Variants in GRHPR observed in about 807,000 individuals in gnomAD.
The protein encoded by GRHPR is glyoxylate and hydroxypyruvate reductase, also known as glyoxylate reductase/hydroxypyruvate reductase.
A neutral mutation model predicts 36.8 loss-of-function variants in GRHPR; 35 were observed. The ratio of observed to expected loss-of-function variants is 0.95; its 90% CI spans 0.73 to 1.26. The LOEUF is 1.26. GRHPR is among the 50% of genes most tolerant of loss of function. GRHPR has a pLI of 0.00. For missense variants in GRHPR, 380 were observed against 435.0 expected, an observed-to-expected ratio of 0.87 and a Z score of 1.12; for synonymous variants, 179 against 181.0, an observed-to-expected ratio of 0.99 and a Z score of 0.09.
At chr9:37,424,088 T>C (rs1348685626) in intron 1 of GRHPR, among the ~76,000 whole-genome samples, 1 of 152,234 alleles carries the variant, frequency 6.6e-6, no homozygotes, top group Non-Finnish European at 1.5e-5. Context: ...TATGAGATTT[T>C]CAAATTTTGT....
At chr9:37,434,327 C>T (rs1409987556) in intron 8 of GRHPR, 23 of 471,370 alleles carry the variant, frequency 4.9e-5, no homozygotes, top group Non-Finnish European at 8.3e-5. Context: ...CTGGAACTGC[C>T]TGTGCCTTGG....
chr9:37,425,509 C>A (rs971633355), intron 2 of GRHPR, among the ~76,000 whole-genome samples: 2 of 152,240 alleles, frequency 1.3e-5, no homozygotes, highest in Non-Finnish European at 2.9e-5. Flanking sequence ...CACATCCTGG[C>A]CTTGGCCTGG....
At chr9:37,438,975 C>T (rs1171117899), downstream of GRHPR, 8 of 152,334 alleles carry the variant, frequency 5.3e-5, no homozygotes, top group South Asian at 4.1e-4. Flanking sequence ...AGAGAAAACA[C>T]GCTCATTTTT....
At chr9:37,430,324 T>A in intron 6 of GRHPR, 187 bp from the exon 7 acceptor site, 10 of 668,286 alleles carry the variant, frequency 1.5e-5, no homozygotes, top group Non-Finnish European at 2.7e-5. Context: ...AAAGCCAGAG[T>A]GGTCCAGATC....
chr9:37,430,144 T>C (rs1232931159), intron 6 of GRHPR: 5 of 529,310 alleles, frequency 9.4e-6, no homozygotes, highest in East Asian at 3.5e-5. Flanking sequence ...GGCTGGGCAC[T>C]TTCACTGTCT....
At chr9:37,430,393 C>G (rs1823302123) in intron 6 of GRHPR, 118 bp from the exon 7 acceptor site, 1 of 867,392 alleles carries the variant, frequency 1.2e-6, no homozygotes, top group Non-Finnish European at 2.0e-6. Context: ...GAGACTCGGC[C>G]TTCAGGAAGC....
intron 8 of GRHPR, chr9:37,433,976 A>G (rs1823507319): frequency 2.6e-6 from 1 of 382,488 alleles, no homozygotes; most frequent in East Asian, 3.7e-5. Context: ...CCAGCCTGCA[A>G]GGAGCACTGG....
intron 2 of GRHPR, among the ~76,000 whole-genome samples, chr9:37,425,706 G>A (rs557595935): frequency 5.3e-5 from 8 of 152,336 alleles, no homozygotes; most frequent in African/African-American, 1.9e-4. Context: ...AGGTGAACCC[G>A]GCTCTGCCTG....
Position 37,428,569 on chromosome 9 carries a change from A to G in GRHPR, c.490A>G (p.Ile164Val). 6.2e-7 allele frequency: 1 copy of G among 1,602,154 alleles called. No homozygotes were observed. The highest frequency in any genetic ancestry group is 1.7e-5 in the Admixed American group (1 of 60,008). The part of the protein sequence containing the change: ...STVGIIGLGR[I>V]GQAIARRLKP... Reference sequence around the variant, plus strand: ...TGTCGGCATCATCGGGCTGGGGCGCATAGGTGAGGCTCCCACCGGCCCGCT... The same window carrying G: ...TGTCGGCATCATCGGGCTGGGGCGCGTAGGTGAGGCTCCCACCGGCCCGCT... Residue 164 changes from isoleucine (I) to valine (V), a missense_variant, in exon 5 of 9, where the codon ATA becomes GTA. Ile to Val is a conservative substitution (Grantham distance 29). Transcript: ENST00000318158.
intron 7 of GRHPR, 66 bp downstream of exon 7, chr9:37,430,712 A>T (rs775032762): frequency 6.7e-7 from 1 of 1,488,322 alleles, no homozygotes; most frequent in East Asian, 2.3e-5. Context: ...CCATCTGGAG[A>T]TTTTCTTCCC....
Position 37,436,697 on chromosome 9 carries a change from C to A in GRHPR, c.902C>A (p.Thr301Asn), listed in dbSNP as rs1307693180. 3 of 1,614,056 alleles carry A rather than the reference C, an allele frequency of 1.9e-6. No homozygotes were observed. The highest frequency in any genetic ancestry group is 2.5e-6 in the Non-Finnish European group (3 of 1,179,908). ...LPHIGSATHR[T>N]RNTMSLLAAN... ...CACATTGGCAGTGCCACCCACAGAA[C>A]CCGCAACACCATGTCCTTGTTGGCA... The change falls in exon 9 of 9, where the codon ACC becomes AAC. Residue 301 changes from threonine (T) to asparagine (N), a missense_variant. Transcript: ENST00000318158.
chr9:37,425,197 G>A (rs1217151070), intron 2 of GRHPR, among the ~76,000 whole-genome samples: 1 of 152,236 alleles, frequency 6.6e-6, no homozygotes, highest in Non-Finnish European at 1.5e-5. Context: ...AAAGACCGCG[G>A]TGTGGAGACT....
At position 37,436,875 on chromosome 9, in the gene GRHPR, G is replaced by A; in HGVS notation, c.*93G>A. On this transcript the variant is annotated 3_prime_UTR_variant, in exon 9 of 9. Transcript: ENST00000318158. ...GATTTGGATCCACAGGCAGAGCCAAGGGAAGGTGTGATTCTCTGAGGAAAG... is the reference window on the plus strand; with the variant it reads ...GATTTGGATCCACAGGCAGAGCCAAAGGAAGGTGTGATTCTCTGAGGAAAG... 2 of 1,360,118 alleles carry A rather than the reference G, an allele frequency of 1.5e-6. No homozygotes were observed. The highest frequency in any genetic ancestry group is 2.1e-6 in the Non-Finnish European group (2 of 950,242). 84.3% of individuals were successfully genotyped at this position (1,360,118 alleles called of 1,614,324 possible).
chr9:37,434,460 G>T, intron 8 of GRHPR: 1 of 599,076 alleles, frequency 1.7e-6, no homozygotes. Flanking sequence ...AGGAATGCAT[G>T]CAGAAATACC....
chr9:37,432,259 A>G, intron 8 of GRHPR, 121 bp downstream of exon 8: 1 of 903,650 alleles, frequency 1.1e-6, no homozygotes, highest in Non-Finnish European at 1.8e-6. Context: ...AAAGGGACAC[A>G]CCAGGGATCG....
chr9:37,424,953 C>A lies in GRHPR; in HGVS notation c.192C>A (p.Asp64Glu). The A allele has an allele frequency of 6.2e-7, 1 of 1,612,562 alleles. No individual in the cohort carries two copies. The highest frequency in any genetic ancestry group is 8.5e-7 in the Non-Finnish European group (1 of 1,179,850). The change falls in exon 2 of 9, where the codon GAC (aspartate) becomes GAA (glutamate). Residue 64 changes from aspartate (D) to glutamate (E), a missense_variant. By Grantham distance (45) the Asp-to-Glu change is conservative. Coordinates refer to ENST00000318158, the MANE Select transcript of GRHPR (RefSeq NM_012203.2). ...TCTGCCTCCTCTCCGACCACGTGGA[C>A]AAGAGGATCCTGGATGCTGCAGGTG... The part of the protein sequence containing the change: ...GLLCLLSDHV[D>E]KRILDAAGAN...
intron 8 of GRHPR, among the ~76,000 whole-genome samples, chr9:37,435,381 T>G (rs1431594244): frequency 6.6e-6 from 1 of 152,210 alleles, no homozygotes; most frequent in Non-Finnish European, 1.5e-5. Flanking sequence ...GGCATTCAGC[T>G]CCGGGTTTTC....
chr9:37,435,653 G>GGCTAAGACA (rs1823604862), intron 8 of GRHPR, among the ~76,000 whole-genome samples: 1 of 152,058 alleles, frequency 6.6e-6, no homozygotes, highest in African/African-American at 2.4e-5. Context: ...CCCTTTGGGA[G>GGCTAAGACA]GCTAAGACAG....
chr9:37,426,250 A>G (rs989139213), intron 3 of GRHPR: 1 of 602,782 alleles, frequency 1.7e-6, no homozygotes, highest in African/African-American at 1.9e-5. Context: ...AATACCTTGA[A>G]GTAGCAAAGG....
Sources: allele counts gnomAD v4.1 joint callset (sites outside exome capture counted in the v4.1 genomes callset), GRCh38; gene constraint gnomAD v4.1.1; transcripts MANE v1.5; gene names NCBI Gene and HGNC (gene_info 2026-07-23, HGNC 2026-07-21).